Variants in TUSC3 observed in about 807,000 individuals in gnomAD.
The protein encoded by TUSC3 is tumor suppressor candidate 3.
A neutral mutation model predicts 44.8 loss-of-function variants in TUSC3; 45 were observed. That is an observed-to-expected ratio of 1.00 (90% CI 0.79 to 1.29). The LOEUF is 1.29. Among genes scored for constraint, TUSC3 ranks in the 50% most tolerant of loss-of-function variants. The probability of loss-of-function intolerance (pLI) is 0.00; values close to 1 mark genes in which losing one functional copy is unlikely to be tolerated. For missense variants in TUSC3, 519 were observed against 437.9 expected (o/e 1.19, Z -1.65); for synonymous variants, 212 against 152.9 (o/e 1.39, Z -2.85).
chr8:15,582,272 G>C (rs10113627), intron 1 of TUSC3, among the ~76,000 whole-genome samples: 130,893 of 152,182 alleles, frequency 0.86, 56,492 homozygotes, highest in Non-Finnish European at 0.87. Flanking sequence ...CCGTCTTCTG[G>C]GTCGCTCACG....
intron 1 of TUSC3, among the ~76,000 whole-genome samples, chr8:15,596,991 G>A (rs1322049426): frequency 6.6e-6 from 1 of 152,144 alleles, no homozygotes; most frequent in Non-Finnish European, 1.5e-5. Flanking sequence ...CCAGTTGAAA[G>A]TTAATAATTA....
intron 1 of TUSC3, among the ~76,000 whole-genome samples, chr8:15,432,252 T>C (rs1799881654): frequency 6.6e-6 from 1 of 152,154 alleles, no homozygotes; most frequent in Admixed American, 6.5e-5. Context: ...TTTTTGTTGT[T>C]GTTGTTGAGA....
chr8:15,821,325 G>A, the TUSC3 span, among the ~76,000 whole-genome samples: 1 of 142,494 alleles, frequency 7.0e-6, no homozygotes, highest in African/African-American at 2.5e-5. Context: ...TTTTATCTCT[G>A]GATTTTAGCA....
intron 1 of TUSC3, among the ~76,000 whole-genome samples, chr8:15,610,014 A>G (rs1804693599): frequency 6.6e-6 from 1 of 151,888 alleles, no homozygotes; most frequent in Non-Finnish European, 1.5e-5. Context: ...TTTATTTCCT[A>G]GCTGTTTTTA....
chr8:15,724,594 A>AT (rs1376623306), intron 6 of TUSC3, among the ~76,000 whole-genome samples: 1 of 152,122 alleles, frequency 6.6e-6, no homozygotes, highest in African/African-American at 2.4e-5. Context: ...TTTGGCAATA[A>AT]TTTTTGTATT....
chr8:15,739,136 C>CTTTG (rs146993222), intron 7 of TUSC3, among the ~76,000 whole-genome samples: 1,724 of 151,980 alleles, frequency 0.011, 29 homozygotes, highest in African/African-American at 0.04. Context: ...TGGCCTCTTG[C>CTTTG]TTTGTTATTA....
intron 2 of TUSC3, among the ~76,000 whole-genome samples, chr8:15,520,596 C>A (rs561779032): frequency 1.3e-5 from 2 of 152,090 alleles, no homozygotes; most frequent in African/African-American, 4.8e-5. Context: ...GTGTGATAAC[C>A]AATATTTGTA....
chr8:15,504,013 CAAAAAAAA>C (rs11330340), intron 2 of TUSC3, among the ~76,000 whole-genome samples: 1 of 113,152 alleles, frequency 8.8e-6, no homozygotes, highest in Non-Finnish European at 1.8e-5. Flanking sequence ...GACTCTGTCT[CAAAAAAAA>C]AAAAAAAAAA....
the TUSC3 span, among the ~76,000 whole-genome samples, chr8:15,787,505 ATTAT>A: frequency 3.9e-5 from 6 of 152,314 alleles, no homozygotes; most frequent in African/African-American, 1.4e-4. Flanking sequence ...AGGAAAATAT[ATTAT>A]TTGAGGGATT....
At chr8:15,827,439 G>A in the TUSC3 span, among the ~76,000 whole-genome samples, 1 of 152,102 alleles carries the variant, frequency 6.6e-6, no homozygotes, top group Non-Finnish European at 1.5e-5. Flanking sequence ...AATGGGTAGT[G>A]TTCAGTTTAC....
At chr8:15,481,014 A>T (rs1800652294) in intron 1 of TUSC3, among the ~76,000 whole-genome samples, 1 of 152,098 alleles carries the variant, frequency 6.6e-6, no homozygotes, top group Non-Finnish European at 1.5e-5. Context: ...TTGGGAGGCC[A>T]AGGTGGGCAG....
intron 1 of TUSC3, among the ~76,000 whole-genome samples, chr8:15,585,065 G>A (rs373077704): frequency 6.6e-6 from 1 of 152,134 alleles, no homozygotes; most frequent in Non-Finnish European, 1.5e-5. Flanking sequence ...TGAAATCATG[G>A]TTATGAAAGT....
the TUSC3 span, among the ~76,000 whole-genome samples, chr8:15,772,925 G>A: frequency 9.0e-6 from 1 of 111,020 alleles, no homozygotes; most frequent in Non-Finnish European, 1.9e-5. Flanking sequence ...AGTTGATGCA[G>A]AAAAAGCATT....
At chr8:15,444,643 G>T (rs1372717851) in intron 1 of TUSC3, among the ~76,000 whole-genome samples, 1 of 152,114 alleles carries the variant, frequency 6.6e-6, no homozygotes, top group African/African-American at 2.4e-5. Context: ...CCCCAAATCA[G>T]AGCCCATTTT....
intron 9 of TUSC3, among the ~76,000 whole-genome samples, chr8:15,751,541 C>G (rs1252796856): frequency 1.3e-5 from 2 of 152,082 alleles, no homozygotes; most frequent in Non-Finnish European, 2.9e-5. Flanking sequence ...GTTTTTCATC[C>G]CCCAGTATAG....
intron 5 of TUSC3, among the ~76,000 whole-genome samples, chr8:15,669,681 G>GA (rs1807854387): frequency 6.6e-6 from 1 of 151,590 alleles, no homozygotes; most frequent in African/African-American, 2.4e-5. Context: ...GGGAATAAGA[G>GA]AAAAAACAAA....
chr8:15,626,376 G>A (rs1288435725), intron 2 of TUSC3, among the ~76,000 whole-genome samples: 1 of 152,244 alleles, frequency 6.6e-6, no homozygotes, highest in Admixed American at 6.5e-5. Flanking sequence ...GGGACCCCAA[G>A]GCGGAACTGG....
chr8:15,680,068 CTGTT>C (rs1406102057), intron 6 of TUSC3, among the ~76,000 whole-genome samples: 2 of 150,998 alleles, frequency 1.3e-5, no homozygotes, highest in Non-Finnish European at 3.0e-5. Context: ...TATTTGTTCT[CTGTT>C]TGGGTTCCAC....
At position 15,457,354 on chromosome 8, in the gene TUSC3, G is replaced by A. The variant is rs555621854; in HGVS notation, n.92-26032G>A. 2.9e-3 allele frequency among the ~76,000 whole-genome samples: 446 copies of A among 151,516 alleles called. 5 individuals are homozygous for A. Among genetic ancestry groups the A allele is most frequent in the Middle Eastern group, 6.8e-3 (2 of 292 alleles). On this transcript the variant is annotated intron_variant and non_coding_transcript_variant, in intron 1 of 5. Coordinates refer to the TUSC3 transcript ENST00000503191. ...ATATTTAAAAAAACAAAAACAAATA[G>A]AAAAGTAGACTTTTCTGAAGAGAAA...
Sources: allele counts gnomAD v4.1 joint callset (sites outside exome capture counted in the v4.1 genomes callset), GRCh38; gene constraint gnomAD v4.1.1; transcripts MANE v1.5; gene names NCBI Gene and HGNC (gene_info 2026-07-23, HGNC 2026-07-21).